OPCML: variants seen among roughly 807,000 people sequenced by gnomAD.
OPCML encodes opioid binding protein/cell adhesion molecule like.
OPCML carries 13 observed loss-of-function variants against 37.8 expected under a neutral mutation model. The observed-to-expected ratio is 0.34, with a 90% confidence interval of 0.22 to 0.55. OPCML has a LOEUF of 0.55. Among genes scored for constraint, OPCML ranks in the 20% least tolerant of loss-of-function variants. The pLI is 0.91. For missense variants in OPCML, 341 were observed against 435.6 expected, an observed-to-expected ratio of 0.78 and a Z score of 1.93; for synonymous variants, 176 against 168.8, an observed-to-expected ratio of 1.04 and a Z score of -0.33.
At chr11:132,996,231 C>G (rs1387338781) in intron 1 of OPCML, among the ~76,000 whole-genome samples, 2 of 152,142 alleles carry the variant, frequency 1.3e-5, no homozygotes, top group African/African-American at 4.8e-5. Context: ...AATACCTTGT[C>G]TGAGACTTCC....
chr11:132,496,090 C>T (rs2096230337), intron 4 of OPCML, among the ~76,000 whole-genome samples: 1 of 152,036 alleles, frequency 6.6e-6, no homozygotes. Flanking sequence ...ATCAACATGA[C>T]CTGGAATAAA....
At chr11:132,999,992 G>C (rs114688318) in intron 1 of OPCML, among the ~76,000 whole-genome samples, 3 of 152,152 alleles carry the variant, frequency 2.0e-5, no homozygotes, top group Non-Finnish European at 2.9e-5. Context: ...TAGACACACC[G>C]CTGAGCCAAA....
intron 2 of OPCML, among the ~76,000 whole-genome samples, chr11:132,749,300 G>A (rs1945752182): frequency 1.3e-5 from 2 of 152,170 alleles, no homozygotes; most frequent in Non-Finnish European, 2.9e-5. Context: ...ACAGTAGCAG[G>A]AACAAACTAT....
chr11:133,071,302 C>T lies in OPCML; in HGVS notation c.62-128292G>A, dbSNP rs370205283. On this transcript the variant is annotated intron_variant, in intron 1 of 7. Coordinates refer to ENST00000524381, the MANE Select transcript of OPCML (RefSeq NM_001012393.5). ...TGTGTATGTGTGTGTGTGTTTCTTA[C>T]TAGCTCAGCAAAAGGGTTTTGCAAC... Among the ~76,000 whole-genome samples the T allele has an allele frequency of 3.3e-5, 5 of 152,186 alleles. No individual in the cohort carries two copies. The East Asian group carries it at 7.7e-4, about 24-fold the overall frequency.
chr11:132,972,242 C>T (rs1245471674), intron 1 of OPCML, among the ~76,000 whole-genome samples: 2 of 152,144 alleles, frequency 1.3e-5, no homozygotes, highest in Non-Finnish European at 2.9e-5. Context: ...CCCAGTCCTG[C>T]GGTGTGATTT....
chr11:133,503,395 C>G lies in OPCML; in HGVS notation c.61+28869G>C, dbSNP rs535850010. On this transcript the variant is annotated intron_variant, in intron 1 of 7. Transcript: ENST00000524381. The stretch of plus-strand genomic sequence containing the variant: ...CAGCTGGTCAACAACCCCTCCCTCA[C>G]CCTCTGTGTTGTGGCCACAGCTCCT... 4.6e-5 allele frequency among the ~76,000 whole-genome samples: 7 copies of G among 152,300 alleles called. No individual in the cohort carries two copies. The South Asian group carries it at 1.5e-3, about 32-fold the overall frequency.
chr11:132,713,924 C>T (rs1944367123), intron 2 of OPCML, among the ~76,000 whole-genome samples: 2 of 152,024 alleles, frequency 1.3e-5, no homozygotes, highest in Admixed American at 1.3e-4. Context: ...GTGTAATAGA[C>T]AAAAATTATC....
intron 1 of OPCML, among the ~76,000 whole-genome samples, chr11:133,142,130 T>G (rs1248008688): frequency 6.6e-6 from 1 of 152,256 alleles, no homozygotes; most frequent in African/African-American, 2.4e-5. Context: ...TTTACTTTCC[T>G]CTATTCTCAC....
At chr11:132,552,323 A>C (rs2096383614) in intron 3 of OPCML, among the ~76,000 whole-genome samples, 1 of 152,180 alleles carries the variant, frequency 6.6e-6, no homozygotes, top group Non-Finnish European at 1.5e-5. Flanking sequence ...CATGTGACAG[A>C]CTTTGCCACC....
At chr11:132,623,707 T>C (rs2137934839) in intron 3 of OPCML, among the ~76,000 whole-genome samples, 1 of 152,328 alleles carries the variant, frequency 6.6e-6, no homozygotes, top group African/African-American at 2.4e-5. Context: ...CATGCCTAGG[T>C]CTGATGCCCC....
chr11:133,219,106 G>C (rs1033969062), intron 1 of OPCML, among the ~76,000 whole-genome samples: 1 of 152,148 alleles, frequency 6.6e-6, no homozygotes, highest in Admixed American at 6.5e-5. Context: ...ATGGGCTCTG[G>C]GCAGGTTAGT....
chr11:132,577,460 C>T (rs890068567), intron 3 of OPCML, among the ~76,000 whole-genome samples: 3 of 152,094 alleles, frequency 2.0e-5, no homozygotes, highest in Non-Finnish European at 4.4e-5. Flanking sequence ...TATGCCCACA[C>T]CTTCACAAAC....
intron 3 of OPCML, among the ~76,000 whole-genome samples, chr11:132,553,263 A>G (rs895966597): frequency 6.6e-6 from 1 of 152,174 alleles, no homozygotes; most frequent in Admixed American, 6.5e-5. Context: ...CACTTAACAG[A>G]TGGATCGTGG....
intron 1 of OPCML, among the ~76,000 whole-genome samples, chr11:133,514,330 G>A (rs1948218250): frequency 6.6e-6 from 1 of 152,202 alleles, no homozygotes; most frequent in African/African-American, 2.4e-5. Flanking sequence ...ACTGACCTCT[G>A]GAATGTGGGC....
At chr11:132,472,146 G>A (rs2096139924) in intron 4 of OPCML, among the ~76,000 whole-genome samples, 1 of 152,154 alleles carries the variant, frequency 6.6e-6, no homozygotes, top group African/African-American at 2.4e-5. Flanking sequence ...CACATAAAGG[G>A]AATATCCCTA....
At chr11:133,354,597 C>T (rs1944239970) in intron 1 of OPCML, among the ~76,000 whole-genome samples, 1 of 152,060 alleles carries the variant, frequency 6.6e-6, no homozygotes, top group Non-Finnish European at 1.5e-5. Context: ...TTTATAAGTA[C>T]CTCTACTTTC....
intron 1 of OPCML, among the ~76,000 whole-genome samples, chr11:132,967,116 AT>A: frequency 6.6e-6 from 1 of 151,802 alleles, no homozygotes; most frequent in Non-Finnish European, 1.5e-5. Flanking sequence ...TGCTTTCTTC[AT>A]ATTATATGCA....
At chr11:133,120,121 G>C (rs567021279) in intron 1 of OPCML, among the ~76,000 whole-genome samples, 1 of 152,260 alleles carries the variant, frequency 6.6e-6, no homozygotes, top group Non-Finnish European at 1.5e-5. Flanking sequence ...TCTACAGTGA[G>C]CCTCTCAGCC....
chr11:132,735,379 T>C (rs1340428034), intron 2 of OPCML, among the ~76,000 whole-genome samples: 8 of 152,180 alleles, frequency 5.3e-5, no homozygotes, highest in African/African-American at 1.7e-4. Flanking sequence ...AAACCCAAGA[T>C]AGACAAAGAC....
Sources: allele counts gnomAD v4.1 joint callset (sites outside exome capture counted in the v4.1 genomes callset), GRCh38; gene constraint gnomAD v4.1.1; transcripts MANE v1.5; gene names NCBI Gene and HGNC (gene_info 2026-07-23, HGNC 2026-07-21).